CSMD1: variants seen among roughly 807,000 people sequenced by gnomAD.
CSMD1 encodes the protein CUB and Sushi multiple domains 1.
In CSMD1, 213 loss-of-function variants were observed where a neutral mutation model predicts 417.5. The ratio of observed to expected loss-of-function variants is 0.51; its 90% CI spans 0.46 to 0.57. CSMD1 has a LOEUF of 0.57. Ranked by LOEUF, CSMD1 falls within the 20% of genes least tolerant of loss-of-function variation. The probability of loss-of-function intolerance (pLI) is 0.00; values close to 1 mark genes in which losing one functional copy is unlikely to be tolerated. For synonymous variants in CSMD1, 2,862 were observed against 1,736.8 expected (o/e 1.65, Z -16.11); for missense variants, 6,923 against 4,529.7 (o/e 1.53, Z -15.17).
At chr8:3,035,768 T>G (rs754997985) in intron 50 of CSMD1, among the ~76,000 whole-genome samples, 20 of 152,202 alleles carry the variant, frequency 1.3e-4, no homozygotes, top group Non-Finnish European at 2.9e-4. Context: ...ATTAAATGTT[T>G]TCAAAAACAT....
intron 5 of CSMD1, chr8:3,949,873 C>T (rs993066258): frequency 4.4e-6 from 2 of 455,380 alleles, no homozygotes; most frequent in Non-Finnish European, 4.4e-6. Flanking sequence ...CCTCCTCATT[C>T]AGCCCCAATT....
intron 1 of CSMD1, among the ~76,000 whole-genome samples, chr8:4,842,334 C>T (rs768084389): frequency 3.3e-5 from 5 of 152,180 alleles, no homozygotes; most frequent in Non-Finnish European, 7.3e-5. Context: ...CTACAATGGA[C>T]TTTTAATATC....
At chr8:3,220,579 T>A (rs1208301213) in intron 28 of CSMD1, among the ~76,000 whole-genome samples, 1 of 152,178 alleles carries the variant, frequency 6.6e-6, no homozygotes, top group African/African-American at 2.4e-5. Context: ...TAGCCTGTAA[T>A]CCCAGCACTT....
Position 4,146,205 on chromosome 8 carries a change from T to A in CSMD1, c.416-114106A>T, listed in dbSNP as rs575314995. ...AAGTCGATTCTCAAAAAAAGGGTGA[T>A]ATCGTTTGGAAACATGAACTTGGAG... On this transcript the variant is annotated intron_variant, in intron 3 of 69. Coordinates refer to ENST00000635120, the MANE Select transcript of CSMD1 (RefSeq NM_033225.6). 7.9e-5 allele frequency among the ~76,000 whole-genome samples: 12 copies of A among 151,122 alleles called. 3 individuals carry two copies. Among genetic ancestry groups the A allele is most frequent in the African/African-American group, 3.0e-4 (12 of 40,466 alleles).
At chr8:3,605,225 TG>T (rs1445413370) in intron 8 of CSMD1, among the ~76,000 whole-genome samples, 2 of 152,144 alleles carry the variant, frequency 1.3e-5, no homozygotes. Context: ...CTCCTGATCT[TG>T]TGATCCACCC....
chr8:3,596,154 T>G (rs535909570), intron 8 of CSMD1, among the ~76,000 whole-genome samples: 42 of 152,036 alleles, frequency 2.8e-4, no homozygotes, highest in Non-Finnish European at 5.1e-4. Context: ...CAGTGAGGAG[T>G]GTCGGAGGCA....
chr8:4,656,091 C>G (rs368481687), intron 1 of CSMD1, among the ~76,000 whole-genome samples: 1 of 152,008 alleles, frequency 6.6e-6, no homozygotes, highest in Non-Finnish European at 1.5e-5. Flanking sequence ...AAAGACAATG[C>G]TAGTCTTATG....
intron 7 of CSMD1, among the ~76,000 whole-genome samples, chr8:3,648,536 CT>C (rs891114886): frequency 9.9e-5 from 15 of 152,274 alleles, no homozygotes; most frequent in African/African-American, 3.6e-4. Context: ...GTACGATTTA[CT>C]TTTTCTTTGA....
intron 3 of CSMD1, among the ~76,000 whole-genome samples, chr8:4,126,703 C>G (rs552616502): frequency 5.3e-5 from 8 of 152,296 alleles, no homozygotes; most frequent in African/African-American, 1.9e-4. Context: ...GGTTACTTCA[C>G]TCTCCTGGAA....
intron 5 of CSMD1, among the ~76,000 whole-genome samples, chr8:3,979,931 A>G (rs7004245): frequency 1.4e-3 from 206 of 152,336 alleles, no homozygotes; most frequent in African/African-American, 4.6e-3. Context: ...TTTGTCCTCA[A>G]TAATATGAAC....
chr8:3,968,196 TAA>T (rs1056966340), intron 5 of CSMD1, among the ~76,000 whole-genome samples: 5 of 151,018 alleles, frequency 3.3e-5, no homozygotes, highest in African/African-American at 1.2e-4. Context: ...CAAATAATAA[TAA>T]TAATAATAAT....
intron 5 of CSMD1, among the ~76,000 whole-genome samples, chr8:3,789,033 G>A (rs1192862459): frequency 6.6e-6 from 1 of 152,192 alleles, no homozygotes; most frequent in Non-Finnish European, 1.5e-5. Context: ...AGGATGCTAT[G>A]TTCTGAATGT....
At chr8:3,811,586 G>A (rs1801082689) in intron 5 of CSMD1, among the ~76,000 whole-genome samples, 2 of 152,108 alleles carry the variant, frequency 1.3e-5, no homozygotes, top group South Asian at 4.1e-4. Context: ...AGGCCATCAT[G>A]GGACAACCAC....
Position 4,554,347 on chromosome 8 carries a change from C to A in CSMD1, c.302+82995G>T, listed in dbSNP as rs537913240. Among the ~76,000 whole-genome samples, 7 of 152,132 alleles carry A rather than the reference C, an allele frequency of 4.6e-5. No homozygotes were observed. In the East Asian group the frequency reaches 1.4e-3, roughly 30 times the overall value. On this transcript the variant is annotated intron_variant, in intron 2 of 69. Coordinates refer to ENST00000635120, the MANE Select transcript of CSMD1 (RefSeq NM_033225.6). ...AGACAGGGTTTCACCATGTTGCCCA[C>A]GCTGGTCTGAAACTCCTGACCTCAG...
At chr8:3,769,045 G>C (rs1367203515) in intron 5 of CSMD1, among the ~76,000 whole-genome samples, 2 of 152,240 alleles carry the variant, frequency 1.3e-5, no homozygotes, top group East Asian at 1.9e-4. Flanking sequence ...ACAGGCAGGT[G>C]TGTTTGGTTA....
chr8:4,334,135 G>A (rs555395396), intron 3 of CSMD1, among the ~76,000 whole-genome samples: 21 of 152,158 alleles, frequency 1.4e-4, no homozygotes, highest in East Asian at 3.9e-4. Flanking sequence ...TCAAACTCCC[G>A]AACTCAAGAT....
chr8:4,124,401 T>C (rs1274799461), intron 3 of CSMD1, among the ~76,000 whole-genome samples: 1 of 30,816 alleles, frequency 3.2e-5, no homozygotes, highest in African/African-American at 1.1e-4. Context: ...ACAGGGGATT[T>C]GTATTTAATT....
At chr8:4,343,104 G>T (rs1249175935) in intron 3 of CSMD1, among the ~76,000 whole-genome samples, 2 of 152,008 alleles carry the variant, frequency 1.3e-5, no homozygotes, top group Non-Finnish European at 2.9e-5. Flanking sequence ...AGGGATATGG[G>T]GTATTTTATA....
intron 1 of CSMD1, among the ~76,000 whole-genome samples, chr8:4,852,798 T>C (rs1801557084): frequency 6.6e-6 from 1 of 152,076 alleles, no homozygotes; most frequent in African/African-American, 2.4e-5. Flanking sequence ...AGGTCTTAGA[T>C]GAAAATGAGG....
Sources: gnomAD v4.1 joint callset for allele counts (sites outside exome capture counted in the v4.1 genomes callset) on GRCh38, gnomAD v4.1.1 for gene constraint, MANE v1.5 for transcripts, NCBI Gene and HGNC (gene_info 2026-07-23, HGNC 2026-07-21) for gene names.